The following GRID2 variants were observed in gnomAD, a reference collection of about 807,000 sequenced individuals.
GRID2 encodes glutamate ionotropic receptor delta type subunit 2, also known as glutamate receptor ionotropic, delta-2.
In GRID2, 33 loss-of-function variants were observed where a neutral mutation model predicts 114.8. The ratio of observed to expected loss-of-function variants is 0.29; its 90% confidence interval spans 0.22 to 0.38. The LOEUF (loss-of-function observed/expected upper bound fraction) is 0.38. Ranked by LOEUF, GRID2 falls within the 10% of genes least tolerant of loss-of-function variation. GRID2 has a pLI of 1.00. For synonymous variants in GRID2, 505 were observed against 449.9 expected, an observed-to-expected ratio of 1.12 and a Z score of -1.55; for missense variants, 1,184 against 1,257.7, an observed-to-expected ratio of 0.94 and a Z score of 0.89.
chr4:93,328,355 T>A (rs1310775843), intron 8 of GRID2, among the ~76,000 whole-genome samples: 2 of 152,120 alleles, frequency 1.3e-5, no homozygotes, highest in Non-Finnish European at 2.9e-5. Context: ...TGACATTATT[T>A]TCATTGTATG....
At chr4:93,395,415 A>G (rs1034322391) in intron 8 of GRID2, among the ~76,000 whole-genome samples, 192 bp from the exon 9 acceptor site, 12 of 152,144 alleles carry the variant, frequency 7.9e-5, no homozygotes, top group Middle Eastern at 3.4e-3. Flanking sequence ...GTCATGTGCC[A>G]TATAATGATA....
intron 2 of GRID2, among the ~76,000 whole-genome samples, chr4:92,818,787 T>C (rs1166404817): frequency 6.6e-6 from 1 of 152,154 alleles, no homozygotes; most frequent in African/African-American, 2.4e-5. Context: ...ATGAATATAC[T>C]CAATGAATTT....
chr4:93,728,510 T>G (rs1214223552), intron 14 of GRID2, among the ~76,000 whole-genome samples: 3 of 152,160 alleles, frequency 2.0e-5, no homozygotes, highest in African/African-American at 7.2e-5. Flanking sequence ...GTCTGCTTGG[T>G]GCAGAGCTGA....
chr4:93,613,789 C>G (rs181291679), intron 13 of GRID2, among the ~76,000 whole-genome samples: 15,815 of 150,502 alleles, frequency 0.11, 1,295 homozygotes, highest in African/African-American at 0.22. Context: ...TGCCCCAAGA[C>G]GTGGAGCCTA....
chr4:93,771,957 T>C, intron 15 of GRID2, 119 bp from the exon 16 acceptor site: 1 of 644,164 alleles, frequency 1.6e-6, no homozygotes, highest in East Asian at 2.7e-5. Context: ...CAATAAATAT[T>C]TGTTAAATGA....
At chr4:93,744,822 C>T (rs1377570122) in intron 14 of GRID2, among the ~76,000 whole-genome samples, 7 of 151,746 alleles carry the variant, frequency 4.6e-5, no homozygotes, top group African/African-American at 1.5e-4. Flanking sequence ...ATTGATACAG[C>T]AACCCTCATT....
chr4:92,439,087 C>T (rs988136653), intron 1 of GRID2, among the ~76,000 whole-genome samples: 3 of 150,982 alleles, frequency 2.0e-5, no homozygotes, highest in African/African-American at 4.9e-5. Context: ...GGCCGTTTTA[C>T]AGGATTTGGG....
In GRID2 at chr4:92,415,724, G is replaced by A. The variant is rs1455516873; in HGVS notation, c.88+110980G>A. 4.5e-5 allele frequency among the ~76,000 whole-genome samples: 5 copies of A among 111,222 alleles called. No homozygotes were observed. In the East Asian group the frequency reaches 1.3e-3, roughly 28 times the overall value. 73.0% of individuals were successfully genotyped at this position (111,222 alleles called of 152,430 possible). A position where few individuals can be genotyped will look rare whatever the true frequency, so the allele number is the denominator to read the frequency against. ...CATGCGCATGTATGTGTGTGTGTGT[G>A]TGTGTGTGTATGTGTGTATATATAT... is the stretch of plus-strand genomic sequence containing the variant. On this transcript the variant is annotated intron_variant, in intron 1 of 15. Coordinates refer to ENST00000282020, the MANE Select transcript of GRID2 (RefSeq NM_001510.4).
chr4:93,703,683 C>T (rs1202393514), intron 14 of GRID2, among the ~76,000 whole-genome samples: 3 of 123,170 alleles, frequency 2.4e-5, no homozygotes, highest in African/African-American at 9.4e-5. Flanking sequence ...GTGTGATGTT[C>T]CCCTTCCTGT....
At chr4:93,782,786 T>G (rs1259965308) in intron 1 of GRID2, among the ~76,000 whole-genome samples, 2 of 152,170 alleles carry the variant, frequency 1.3e-5, no homozygotes, top group Non-Finnish European at 2.9e-5. Flanking sequence ...TTTTTATAAA[T>G]TTAAAATAAC....
intron 2 of GRID2, among the ~76,000 whole-genome samples, chr4:92,951,644 A>G (rs766195337): frequency 2.0e-5 from 3 of 152,130 alleles, no homozygotes; most frequent in African/African-American, 4.8e-5. Flanking sequence ...TTACTTTTAC[A>G]TAGGTAATAC....
At chr4:92,887,206 G>T (rs532971964) in intron 2 of GRID2, among the ~76,000 whole-genome samples, 2 of 152,268 alleles carry the variant, frequency 1.3e-5, no homozygotes, top group South Asian at 4.1e-4. Context: ...AAGAGAGAAA[G>T]CCCAGCAACA....
At chr4:93,204,982 T>C (rs1024585201) in intron 4 of GRID2, among the ~76,000 whole-genome samples, 12 of 152,186 alleles carry the variant, frequency 7.9e-5, no homozygotes, top group Non-Finnish European at 1.5e-4. Flanking sequence ...TCTATTTACA[T>C]ATTTTAGTAG....
chr4:92,358,145 CCAGGAAGGCTAAG>C (rs1167031326), intron 1 of GRID2, among the ~76,000 whole-genome samples: 1 of 150,180 alleles, frequency 6.7e-6, no homozygotes, highest in Non-Finnish European at 1.5e-5. Context: ...ATGATGGGTT[CCAGGAAGGCTAAG>C]CAGTCTGTCT....
At chr4:92,935,526 C>G (rs1332665408) in intron 2 of GRID2, among the ~76,000 whole-genome samples, 1 of 146,726 alleles carries the variant, frequency 6.8e-6, no homozygotes, top group Non-Finnish European at 1.5e-5. Flanking sequence ...CCAGCCATCC[C>G]ATTACTGGGT....
intron 2 of GRID2, among the ~76,000 whole-genome samples, chr4:93,062,575 G>T (rs1458217046): frequency 6.6e-6 from 1 of 151,954 alleles, no homozygotes; most frequent in East Asian, 1.9e-4. Flanking sequence ...CATTTTCTTT[G>T]ACTCTGATTC....
intron 14 of GRID2, among the ~76,000 whole-genome samples, chr4:93,669,470 C>T (rs180837057): frequency 8.3e-4 from 123 of 148,618 alleles, no homozygotes; most frequent in Admixed American, 5.7e-3. Flanking sequence ...ATTTTGGAAC[C>T]CTGCTGAAAT....
chr4:92,973,583 G>A (rs1434263293), intron 2 of GRID2, among the ~76,000 whole-genome samples: 9 of 152,146 alleles, frequency 5.9e-5, no homozygotes, highest in South Asian at 2.1e-4. Context: ...ATTAGGTTTC[G>A]ACTGGAACAA....
intron 13 of GRID2, among the ~76,000 whole-genome samples, chr4:93,560,857 G>A (rs761252507): frequency 5.3e-5 from 8 of 151,788 alleles, no homozygotes; most frequent in Non-Finnish European, 8.8e-5. Context: ...TTTTACCCAC[G>A]GTTTCTATTT....
Sources: gnomAD v4.1 joint callset for allele counts (sites outside exome capture counted in the v4.1 genomes callset) on GRCh38, gnomAD v4.1.1 for gene constraint, MANE v1.5 for transcripts, NCBI Gene and HGNC (gene_info 2026-07-23, HGNC 2026-07-21) for gene names.